CD79B: variants seen among roughly 807,000 people sequenced by gnomAD.
CD79B encodes CD79b molecule.
CD79B carries 7 observed loss-of-function variants against 30.0 expected under a neutral mutation model. That is an observed-to-expected ratio of 0.23 (90% CI 0.13 to 0.44). The LOEUF (loss-of-function observed/expected upper bound fraction) is 0.44, where lower values mean the gene tolerates loss of function less well. Ranked by LOEUF, CD79B falls within the 20% of genes least tolerant of loss-of-function variation. The pLI, the probability that CD79B is intolerant of heterozygous loss-of-function variation, is 1.00. For missense variants in CD79B, 218 were observed against 299.1 expected, an observed-to-expected ratio of 0.73 and a Z score of 2.00; for synonymous variants, 118 against 119.2, an observed-to-expected ratio of 0.99 and a Z score of 0.07.
chr17:63,931,423 C>T (rs1908121169), intron 1 of CD79B, 38 bp from the exon 2 acceptor site: 1 of 1,606,510 alleles, frequency 6.2e-7, no homozygotes, highest in African/African-American at 1.3e-5. Context: ...CCAGTCAGGG[C>T]CTCCTCTGGC....
chr17:63,929,403 T>C (rs975523652), intron 5 of CD79B, 31 bp downstream of exon 5: 2 of 1,613,456 alleles, frequency 1.2e-6, no homozygotes, highest in East Asian at 2.2e-5. Flanking sequence ...CCCCGAGGAC[T>C]CAGAGCTGCT....
At position 63,929,896 on chromosome 17, in the gene CD79B, G is replaced by T. The variant is rs769417234; in HGVS notation, c.431-8C>A. 8.1e-5 allele frequency: 130 copies of T among 1,604,268 alleles called. No individual in the cohort carries two copies. Among genetic ancestry groups the T allele is most frequent in the Non-Finnish European group, 1.1e-4 (130 of 1,171,350 alleles). On this transcript the variant is annotated splice_region_variant and splice_polypyrimidine_tract_variant and intron_variant, in intron 3 of 5. Transcript: ENST00000006750. ...GTGCCAAGGTGCTGAATCCTGCGGG[G>T]ACAGGGGTGGGGTTGTGAGCCTGGG... is the stretch of plus-strand genomic sequence containing the variant.
intron 1 of CD79B, chr17:63,931,909 G>T: frequency 1.9e-6 from 1 of 518,528 alleles, no homozygotes; most frequent in East Asian, 3.4e-5. Context: ...TCTTCCTCCT[G>T]AGCCTAGTTC....
chr17:63,929,655 A>T (rs541601456), intron 4 of CD79B, 115 bp downstream of exon 4: 95 of 966,362 alleles, frequency 9.8e-5, no homozygotes, highest in Non-Finnish European at 1.5e-4. Flanking sequence ...CAGTGGGGAC[A>T]GGCTGGACCA....
At chr17:63,932,108 G>T in intron 1 of CD79B, 87 bp downstream of exon 1, 1 of 1,160,426 alleles carries the variant, frequency 8.6e-7, no homozygotes. Context: ...CAGAGGAGGA[G>T]GGTGGAGCAA....
At chr17:63,930,570 A>G (rs1396769768) in intron 2 of CD79B, 185 bp from the exon 3 acceptor site, 2 of 628,190 alleles carry the variant, frequency 3.2e-6, no homozygotes, top group East Asian at 2.7e-5. Context: ...GCTGAGCCAC[A>G]TGAGAAGCCA....
At chr17:63,931,295 A>C (rs534959418) in intron 2 of CD79B, 40 bp downstream of exon 2, 2 of 1,605,360 alleles carry the variant, frequency 1.2e-6, no homozygotes, top group Admixed American at 1.7e-5. Context: ...ACATAGTCGC[A>C]CACAACTTGC....
chr17:63,929,252 C>T lies in CD79B; in HGVS notation c.664G>A (p.Val222Ile), dbSNP rs144588938. 1 of 1,613,732 alleles carries T rather than the reference C, an allele frequency of 6.2e-7. No homozygotes were observed. Residue 222 changes from valine to isoleucine, a missense_variant, in exon 6 of 6, where the codon GTA becomes ATA. By Grantham distance (29) the Val-to-Ile change is conservative (BLOSUM62 3). Coordinates refer to ENST00000006750, the MANE Select transcript of CD79B (RefSeq NM_000626.4). The part of the protein sequence containing the change: ...TLRTGEVKWS[V>I]GEHPGQE ...CACTCCTGGCCTGGGTGCTCACCTA[C>T]AGACCACTTCACTTCCCCTGTCCGC... is the stretch of plus-strand genomic sequence containing the variant.
chr17:63,931,957 A>G lies in CD79B; in HGVS notation c.67+238T>C, dbSNP rs376230222. Reference sequence around the variant, plus strand: ...GGTTGCTAACTCTGGTTTGCTCCTCATGCCCAGCTCAGCCTGATGCTCTCC... The same window carrying G: ...GGTTGCTAACTCTGGTTTGCTCCTCGTGCCCAGCTCAGCCTGATGCTCTCC... On this transcript the variant is annotated intron_variant, in intron 1 of 5. Transcript: ENST00000006750. 292 of 599,762 alleles carry G rather than the reference A, an allele frequency of 4.9e-4. 2 individuals are homozygous for G. The highest frequency in any genetic ancestry group is 4.5e-3 in the African/African-American group (246 of 54,518). The allele number at this position is 599,762 out of a possible 1,614,324, so 37.2% of individuals were successfully genotyped here. A position where few individuals can be genotyped will look rare whatever the true frequency, so the allele number is the denominator to read the frequency against.
intron 1 of CD79B, among the ~76,000 whole-genome samples, chr17:63,931,694 C>T (rs943894852): frequency 6.6e-6 from 1 of 151,608 alleles, no homozygotes; most frequent in Admixed American, 6.6e-5. Flanking sequence ...TCGCTTGGGT[C>T]CAGGAGTTTG....
rs1908186465 is a variant in CD79B, at chr17:63,932,307, G to GT, written c.-47_-46insA. 3.8e-6 allele frequency: 6 copies of GT among 1,569,296 alleles called. No individual in the cohort carries two copies. The highest frequency in any genetic ancestry group is 5.2e-6 in the Non-Finnish European group (6 of 1,146,896). On this transcript the variant is annotated 5_prime_UTR_variant, in exon 1 of 6. Coordinates refer to ENST00000006750, the MANE Select transcript of CD79B (RefSeq NM_000626.4). ...CCCCAAACCCGTGACAACGTCCGAG[G>GT]CTCCTTGGAGGAAAACGTGTAACTG...
At chr17:63,930,571 T>A in intron 2 of CD79B, 186 bp from the exon 3 acceptor site, 1 of 628,280 alleles carries the variant, frequency 1.6e-6, no homozygotes, top group Non-Finnish European at 2.8e-6. Context: ...CTGAGCCACA[T>A]GAGAAGCCAC....
chr17:63,930,913 C>G (rs1267888888), intron 2 of CD79B: 1 of 308,612 alleles, frequency 3.2e-6, no homozygotes, highest in Non-Finnish European at 6.3e-6. Context: ...GGGTCCACTT[C>G]TTGTTCCAGA....
chr17:63,932,088 G>A lies in CD79B; in HGVS notation c.67+107C>T, dbSNP rs544912233. ...CCATGAGAGGGAGACAGGCGGTAAA[G>A]AGTGAGAGACAGAGGAGGAGGGTGG... On this transcript the variant is annotated intron_variant, in intron 1 of 5. Coordinates refer to ENST00000006750, the MANE Select transcript of CD79B (RefSeq NM_000626.4). 7.3e-5 allele frequency: 73 copies of A among 1,001,132 alleles called. No individual in the cohort carries two copies. The East Asian group carries it at 1.6e-3, about 22-fold the overall frequency. 62.0% of individuals were successfully genotyped at this position (1,001,132 alleles called of 1,614,324 possible). A position where few individuals can be genotyped will look rare whatever the true frequency, so the allele number is the denominator to read the frequency against.
At position 63,929,692 on chromosome 17, in the gene CD79B, A is replaced by T. The variant is rs545431323; in HGVS notation, c.549+78T>A. On this transcript the variant is annotated intron_variant, in intron 4 of 5. Coordinates refer to ENST00000006750, the MANE Select transcript of CD79B (RefSeq NM_000626.4). ...GAAGGCCACAACGAGAGCTGGGGAG[A>T]TGGAGACCCTGCATATGCCTGGCCT... 43 of 1,102,470 alleles carry T rather than the reference A, an allele frequency of 3.9e-5. No individual in the cohort carries two copies. The African/African-American group carries it at 6.1e-4, about 16-fold the overall frequency. 68.3% of individuals were successfully genotyped at this position (1,102,470 alleles called of 1,614,324 possible).
intron 2 of CD79B, chr17:63,930,958 T>C (rs2320125): frequency 0.62 from 210,008 of 337,532 alleles, 67,029 homozygotes; most frequent in African/African-American, 0.72. Context: ...TTGTTCTTAG[T>C]GAGCACTGCC....
chr17:63,929,594 C>T, intron 4 of CD79B, 119 bp from the exon 5 acceptor site: 1 of 1,117,044 alleles, frequency 9.0e-7, no homozygotes, highest in Non-Finnish European at 1.4e-6. Context: ...GTGCATTCTG[C>T]AAGAACAGCT....
intron 4 of CD79B, 139 bp downstream of exon 4, chr17:63,929,631 T>A: frequency 1.0e-6 from 1 of 979,276 alleles, no homozygotes; most frequent in Non-Finnish European, 1.6e-6. Flanking sequence ...GAAGGAATGA[T>A]TGAATTGGTG....
Position 63,928,827 on chromosome 17 carries a change from A to C in CD79B, c.*399T>G. ...GGGTGGGAGTGGTTGCGGGAGAGGAATGATGTTCCTGTGGCTCTTCTGGGG... is the reference window on the plus strand; with the variant it reads ...GGGTGGGAGTGGTTGCGGGAGAGGACTGATGTTCCTGTGGCTCTTCTGGGG... On this transcript the variant is annotated 3_prime_UTR_variant, in exon 6 of 6. Transcript: ENST00000006750. 8.0e-6 allele frequency: 3 copies of C among 377,136 alleles called. No homozygotes were observed. Among genetic ancestry groups the C allele is most frequent in the Non-Finnish European group, 9.9e-6 (2 of 201,084 alleles). The allele number at this position is 377,136 out of a possible 1,614,324, so 23.4% of individuals were successfully genotyped here.
Sources: gnomAD v4.1 joint callset for allele counts (sites outside exome capture counted in the v4.1 genomes callset) on GRCh38, gnomAD v4.1.1 for gene constraint, MANE v1.5 for transcripts, NCBI Gene and HGNC (gene_info 2026-07-23, HGNC 2026-07-21) for gene names.